The following ADAMTSL3 variants were observed in gnomAD, a reference collection of about 807,000 sequenced individuals.
The protein encoded by ADAMTSL3 is ADAMTS like 3, also known as ADAMTS-like protein 3.
Under a neutral mutation model 201.7 loss-of-function variants are expected in ADAMTSL3, and 128 were observed. The observed-to-expected ratio is 0.63, with a 90% CI of 0.55 to 0.73. The LOEUF is 0.73. ADAMTSL3 is among the 30% of genes least tolerant of loss of function. ADAMTSL3 has a pLI of 0.00. For missense variants in ADAMTSL3, 1,990 were observed against 2,119.6 expected, an observed-to-expected ratio of 0.94 and a Z score of 1.20; for synonymous variants, 738 against 748.4, an observed-to-expected ratio of 0.99 and a Z score of 0.23.
chr15:83,818,857 T>TA (rs2063809884), intron 5 of ADAMTSL3, among the ~76,000 whole-genome samples: 1 of 152,176 alleles, frequency 6.6e-6, no homozygotes, highest in East Asian at 1.9e-4. Context: ...TTGCTTTTGT[T>TA]GTAGACAGAA....
At chr15:83,783,837 C>CTG (rs59071955) in intron 4 of ADAMTSL3, among the ~76,000 whole-genome samples, 16,786 of 148,634 alleles carry the variant, frequency 0.11, 1,114 homozygotes, top group African/African-American at 0.18. Context: ...CATATATACT[C>CTG]TGTGTGTGTG....
intron 7 of ADAMTSL3, among the ~76,000 whole-genome samples, chr15:83,855,283 C>T (rs919763102): frequency 2.6e-5 from 4 of 152,158 alleles, no homozygotes; most frequent in Non-Finnish European, 4.4e-5. Flanking sequence ...TTTTCAAAAC[C>T]ACCTGTGGAC....
At chr15:83,803,450 A>C (rs1027390456) in intron 4 of ADAMTSL3, among the ~76,000 whole-genome samples, 2 of 152,186 alleles carry the variant, frequency 1.3e-5, no homozygotes, top group Non-Finnish European at 2.9e-5. Flanking sequence ...GTATCTGTTG[A>C]CTTTTAATTC....
chr15:83,991,164 T>C lies in ADAMTSL3; in HGVS notation c.3923T>C (p.Ile1308Thr). ...HNHLSVVVGG[I>T]VEAALGANVT... is the part of the protein sequence containing the mutation. ...CATCTGTCTGTTGTGGTTGGAGGCA[T>C]CGTGGAGGCAGCCCTTGGAGCAAAC... Residue 1308 changes from isoleucine to threonine, a missense_variant, in exon 23 of 30, where the codon ATC becomes ACC. Coordinates refer to ENST00000286744, the MANE Select transcript of ADAMTSL3 (RefSeq NM_207517.3). The C allele has an allele frequency of 6.2e-7, 1 of 1,614,198 alleles. No individual in the cohort carries two copies. The highest frequency in any genetic ancestry group is 8.5e-7 in the Non-Finnish European group (1 of 1,180,012).
At chr15:84,026,788 GAACTA>G (rs1366200090) in intron 27 of ADAMTSL3, among the ~76,000 whole-genome samples, 1 of 152,004 alleles carries the variant, frequency 6.6e-6, no homozygotes, top group African/African-American at 2.4e-5. Context: ...ATGAATCAGA[GAACTA>G]AATTTAAGAG....
chr15:83,994,533 A>G (rs1232159854), intron 23 of ADAMTSL3, among the ~76,000 whole-genome samples: 1 of 150,226 alleles, frequency 6.7e-6, no homozygotes, highest in East Asian at 2.0e-4. Flanking sequence ...CACAGGTTGA[A>G]TCCTCTCTGG....
intron 6 of ADAMTSL3, among the ~76,000 whole-genome samples, chr15:83,823,338 C>T (rs2063928889): frequency 6.6e-6 from 1 of 152,166 alleles, no homozygotes; most frequent in African/African-American, 2.4e-5. Flanking sequence ...AGATGAGCAA[C>T]CTGACCACCT....
intron 3 of ADAMTSL3, among the ~76,000 whole-genome samples, chr15:83,751,302 A>G (rs553110816): frequency 6.6e-6 from 1 of 152,338 alleles, no homozygotes; most frequent in African/African-American, 2.4e-5. Context: ...TATTATGGAC[A>G]AAAAGAAAAA....
chr15:83,693,693 A>T (rs888009060), intron 2 of ADAMTSL3, among the ~76,000 whole-genome samples: 2 of 152,204 alleles, frequency 1.3e-5, no homozygotes, highest in Non-Finnish European at 2.9e-5. Context: ...TCCTTTTCCC[A>T]TATGACATAG....
At chr15:84,034,144 G>A (rs995592500) in intron 28 of ADAMTSL3, among the ~76,000 whole-genome samples, 4 of 152,068 alleles carry the variant, frequency 2.6e-5, no homozygotes, top group African/African-American at 9.7e-5. Flanking sequence ...GGATGAAGTT[G>A]GTTAGTATAG....
intron 23 of ADAMTSL3, among the ~76,000 whole-genome samples, chr15:84,003,701 G>A (rs2067841939): frequency 6.6e-6 from 1 of 152,190 alleles, no homozygotes; most frequent in Admixed American, 6.5e-5. Flanking sequence ...AAATGCCTTT[G>A]CTTGCTCTCT....
intron 23 of ADAMTSL3, among the ~76,000 whole-genome samples, chr15:84,012,551 C>A (rs2068023881): frequency 6.6e-6 from 1 of 152,148 alleles, no homozygotes; most frequent in African/African-American, 2.4e-5. Context: ...CTCCATATGT[C>A]CCTGACAGCT....
rs1454818967 is a variant in ADAMTSL3 at position 83,991,152 on chromosome 15, T to C, written c.3911T>C (p.Val1304Ala). 1.2e-6 allele frequency: 2 copies of C among 1,614,164 alleles called. No individual in the cohort carries two copies. The highest frequency in any genetic ancestry group is 1.7e-6 in the Non-Finnish European group (2 of 1,180,014). ...TKPEHNHLSVVVGGIVEAALG... is the reference protein window; with the variant it reads ...TKPEHNHLSVAVGGIVEAALG... The stretch of plus-strand genomic sequence containing the variant: ...CCAGAGCACAACCATCTGTCTGTTG[T>C]GGTTGGAGGCATCGTGGAGGCAGCC... The change falls in exon 23 of 30, where the codon GTG becomes GCG. Residue 1304 changes from valine (V) to alanine (A), a missense_variant. By Grantham distance (64) the Val-to-Ala change is moderately conservative (BLOSUM62 0). Coordinates refer to ENST00000286744, the MANE Select transcript of ADAMTSL3 (RefSeq NM_207517.3).
At chr15:83,825,849 A>G (rs924133417) in intron 6 of ADAMTSL3, among the ~76,000 whole-genome samples, 2 of 152,114 alleles carry the variant, frequency 1.3e-5, no homozygotes, top group East Asian at 3.9e-4. Flanking sequence ...CCCATGGAAT[A>G]GTGCTAGGAG....
chr15:83,996,041 T>G (rs899521323), intron 23 of ADAMTSL3, among the ~76,000 whole-genome samples: 2 of 152,186 alleles, frequency 1.3e-5, no homozygotes, highest in Non-Finnish European at 2.9e-5. Context: ...TAAATTGTTA[T>G]AGGATAATTG....
intron 4 of ADAMTSL3, among the ~76,000 whole-genome samples, chr15:83,787,477 A>G (rs2063282785): frequency 6.6e-6 from 1 of 152,176 alleles, no homozygotes; most frequent in African/African-American, 2.4e-5. Flanking sequence ...GAATATTGAA[A>G]ACTATGTTGG....
chr15:83,816,794 C>G (rs2063778585), intron 5 of ADAMTSL3, among the ~76,000 whole-genome samples: 1 of 152,060 alleles, frequency 6.6e-6, no homozygotes, highest in South Asian at 2.1e-4. Context: ...TTGCCTGAGC[C>G]CAGGAGTTTG....
At chr15:83,762,875 G>A (rs2062829414) in intron 3 of ADAMTSL3, among the ~76,000 whole-genome samples, 1 of 137,340 alleles carries the variant, frequency 7.3e-6, no homozygotes, top group South Asian at 2.6e-4. Flanking sequence ...AAATATACAT[G>A]TCTTTTGATT....
intron 4 of ADAMTSL3, among the ~76,000 whole-genome samples, chr15:83,782,034 A>G (rs7175004): frequency 0.063 from 9,582 of 152,292 alleles, 386 homozygotes; most frequent in East Asian, 0.18. Flanking sequence ...ACCTAAAAAC[A>G]GAAATAACCG....
Sources: allele counts gnomAD v4.1 joint callset (sites outside exome capture counted in the v4.1 genomes callset), GRCh38; gene constraint gnomAD v4.1.1; transcripts MANE v1.5; gene names NCBI Gene and HGNC (gene_info 2026-07-23, HGNC 2026-07-21).